Variants in GRAMD1B observed in about 807,000 individuals in gnomAD.
GRAMD1B encodes the protein protein Aster-B.
GRAMD1B carries 37 observed loss-of-function variants against 99.7 expected under a neutral mutation model. The observed-to-expected ratio is 0.37, with a 90% CI of 0.29 to 0.49. The LOEUF (loss-of-function observed/expected upper bound fraction) is 0.49. Among genes scored for constraint, GRAMD1B ranks in the 20% least tolerant of loss-of-function variants. GRAMD1B has a pLI of 0.98. For missense variants in GRAMD1B, 888 were observed against 1,009.2 expected, an observed-to-expected ratio of 0.88 and a Z score of 1.63; for synonymous variants, 427 against 387.6, an observed-to-expected ratio of 1.10 and a Z score of -1.19.
At chr11:123,451,386 A>G (rs1196065066) in intron 1 of GRAMD1B, among the ~76,000 whole-genome samples, 2 of 152,302 alleles carry the variant, frequency 1.3e-5, no homozygotes, top group Non-Finnish European at 2.9e-5. Flanking sequence ...GCCCACATCC[A>G]TACAGCTAAG....
intron 1 of GRAMD1B, among the ~76,000 whole-genome samples, chr11:123,471,210 A>G (rs1292358662): frequency 6.6e-6 from 1 of 152,210 alleles, no homozygotes. Flanking sequence ...TCTCTCAGGA[A>G]CATATAGTAT....
chr11:123,579,007 CCA>C (rs1297535148), intron 3 of GRAMD1B, among the ~76,000 whole-genome samples: 1 of 152,218 alleles, frequency 6.6e-6, no homozygotes, highest in East Asian at 1.9e-4. Flanking sequence ...GCATTTCTAA[CCA>C]CTGCCCAGAC....
chr11:123,608,620 G>T, intron 11 of GRAMD1B, 39 bp from the exon 12 acceptor site: 1 of 1,566,440 alleles, frequency 6.4e-7, no homozygotes. Flanking sequence ...CTCCCCCTCC[G>T]CTGTCACTGT....
intron 2 of GRAMD1B, chr11:123,559,742 G>A: frequency 4.2e-6 from 4 of 948,562 alleles, no homozygotes; most frequent in Non-Finnish European, 5.0e-6. Context: ...AGCCTGACCT[G>A]CGGGAGAAGC....
chr11:123,598,141 C>A, intron 7 of GRAMD1B: 1 of 1,583,782 alleles, frequency 6.3e-7, no homozygotes, highest in South Asian at 1.1e-5. Context: ...TGCCCAAACA[C>A]CTCATGCCAT....
intron 1 of GRAMD1B, among the ~76,000 whole-genome samples, chr11:123,417,905 C>T (rs1029242951): frequency 1.3e-5 from 2 of 152,176 alleles, no homozygotes; most frequent in Admixed American, 1.3e-4. Flanking sequence ...TGGCTACAGG[C>T]ACATGCCTCT....
chr11:123,601,135 CCCA>C (rs1461650308), intron 8 of GRAMD1B, among the ~76,000 whole-genome samples: 2 of 152,088 alleles, frequency 1.3e-5, no homozygotes, highest in Non-Finnish European at 2.9e-5. Flanking sequence ...CTATGAAAGG[CCCA>C]CTCCTGGATG....
intron 11 of GRAMD1B, 164 bp from the exon 12 acceptor site, chr11:123,608,495 A>G (rs746914667): frequency 1.1e-5 from 17 of 1,536,108 alleles, no homozygotes; most frequent in Middle Eastern, 1.7e-4. Flanking sequence ...AAGCAAAGTC[A>G]TAAACCATGC....
chr11:123,436,381 G>C (rs542227062), intron 1 of GRAMD1B, among the ~76,000 whole-genome samples: 1 of 152,212 alleles, frequency 6.6e-6, no homozygotes, highest in Non-Finnish European at 1.5e-5. Flanking sequence ...GTGTTGGCTT[G>C]AAGATAGAGA....
intron 1 of GRAMD1B, among the ~76,000 whole-genome samples, chr11:123,402,163 G>A (rs1202723978): frequency 1.3e-5 from 2 of 152,132 alleles, no homozygotes; most frequent in Non-Finnish European, 2.9e-5. Context: ...TTACAGGTGT[G>A]TGCCACCACA....
At chr11:123,612,000 T>TG (rs1026301574) in intron 14 of GRAMD1B, among the ~76,000 whole-genome samples, 1 of 152,082 alleles carries the variant, frequency 6.6e-6, no homozygotes, top group African/African-American at 2.4e-5. Context: ...GACCAGTGAC[T>TG]GGGAGCAAGA....
At chr11:123,531,251 T>C (rs936730464) in intron 2 of GRAMD1B, among the ~76,000 whole-genome samples, 1 of 152,206 alleles carries the variant, frequency 6.6e-6, no homozygotes, top group Non-Finnish European at 1.5e-5. Context: ...CATCTAGGCA[T>C]TTAAATCCCT....
chr11:123,541,219 A>C (rs1591898667), intron 2 of GRAMD1B, among the ~76,000 whole-genome samples: 2 of 152,012 alleles, frequency 1.3e-5, no homozygotes, highest in Non-Finnish European at 2.9e-5. Context: ...CAGGTGATCC[A>C]CCTGCCTCGG....
At chr11:123,498,575 T>A (rs1939549702) in intron 2 of GRAMD1B, among the ~76,000 whole-genome samples, 1 of 152,206 alleles carries the variant, frequency 6.6e-6, no homozygotes, top group Non-Finnish European at 1.5e-5. Flanking sequence ...AATTTGTTGT[T>A]CTTATAGGGG....
At chr11:123,505,294 A>G (rs983991584) in intron 2 of GRAMD1B, among the ~76,000 whole-genome samples, 2 of 152,012 alleles carry the variant, frequency 1.3e-5, no homozygotes, top group African/African-American at 4.8e-5. Context: ...AGCCTCCCCA[A>G]GTGCTGGGAT....
chr11:123,621,402 T>C (rs1379818194), intron 19 of GRAMD1B, among the ~76,000 whole-genome samples: 1 of 152,220 alleles, frequency 6.6e-6, no homozygotes, highest in Non-Finnish European at 1.5e-5. Flanking sequence ...AATTTGCTGA[T>C]GTGGATACCT....
intron 1 of GRAMD1B, among the ~76,000 whole-genome samples, chr11:123,463,629 T>C (rs192490364): frequency 6.6e-6 from 1 of 152,264 alleles, no homozygotes; most frequent in Non-Finnish European, 1.5e-5. Flanking sequence ...GTCCTATGGC[T>C]CAAAGGAGAC....
chr11:123,479,197 G>A (rs1951456547), intron 1 of GRAMD1B, among the ~76,000 whole-genome samples: 1 of 152,208 alleles, frequency 6.6e-6, no homozygotes, highest in South Asian at 2.1e-4. Flanking sequence ...GCGCTGTTCC[G>A]GTTTCTGGTG....
At chr11:123,552,022 C>T (rs1320743928) in intron 2 of GRAMD1B, among the ~76,000 whole-genome samples, 1 of 152,112 alleles carries the variant, frequency 6.6e-6, no homozygotes, top group Non-Finnish European at 1.5e-5. Context: ...TTTTCCTCCC[C>T]AGGAATCAAC....
Sources: allele counts gnomAD v4.1 joint callset (sites outside exome capture counted in the v4.1 genomes callset), GRCh38; gene constraint gnomAD v4.1.1; transcripts MANE v1.5; gene names NCBI Gene and HGNC (gene_info 2026-07-23, HGNC 2026-07-21).